The following ZFHX3 variants were observed in gnomAD, a reference collection of about 807,000 sequenced individuals.
ZFHX3 encodes zinc finger homeobox protein 3.
A neutral mutation model predicts 279.1 loss-of-function variants in ZFHX3; 42 were observed. The observed-to-expected ratio is 0.15, with a 90% confidence interval of 0.12 to 0.19. The LOEUF (loss-of-function observed/expected upper bound fraction) is 0.19. Among genes scored for constraint, ZFHX3 ranks in the 10% least tolerant of loss-of-function variants. The pLI is 1.00. For synonymous variants in ZFHX3, 2,293 were observed against 1,957.8 expected (o/e 1.17, Z -4.52); for missense variants, 4,981 against 4,754.0 (o/e 1.05, Z -1.40).
intron 4 of ZFHX3, among the ~76,000 whole-genome samples, chr16:73,272,749 T>A (rs34052780): frequency 0.43 from 64,876 of 151,966 alleles, 14,973 homozygotes; most frequent in East Asian, 0.65. Context: ...GTATCTTTAA[T>A]GCAATGTTGT....
At chr16:73,107,986 C>A (rs1238574489) in intron 7 of ZFHX3, among the ~76,000 whole-genome samples, 2 of 152,064 alleles carry the variant, frequency 1.3e-5, no homozygotes, top group East Asian at 3.9e-4. Flanking sequence ...ACAGTGAAAC[C>A]CAGTCTCTAC....
chr16:73,156,963 C>T (rs1482472376), intron 5 of ZFHX3, among the ~76,000 whole-genome samples: 4 of 152,188 alleles, frequency 2.6e-5, no homozygotes, highest in Non-Finnish European at 4.4e-5. Flanking sequence ...CTGCCCACCT[C>T]GGCCTCCCAA....
chr16:73,561,941 A>G (rs2020375537), intron 2 of ZFHX3, among the ~76,000 whole-genome samples: 2 of 152,208 alleles, frequency 1.3e-5, no homozygotes, highest in African/African-American at 4.8e-5. Flanking sequence ...GAAAAACCTG[A>G]ATGCACCTAG....
chr16:73,056,896 T>A (rs551054570), intron 1 of ZFHX3, among the ~76,000 whole-genome samples: 4 of 152,336 alleles, frequency 2.6e-5, no homozygotes, highest in Non-Finnish European at 4.4e-5. Context: ...AGTAATTTTT[T>A]AAAAAACATA....
intron 5 of ZFHX3, among the ~76,000 whole-genome samples, chr16:72,813,885 T>G (rs139609087): frequency 2.0e-5 from 3 of 152,212 alleles, no homozygotes; most frequent in Non-Finnish European, 4.4e-5. Context: ...CGTTGCAGGT[T>G]TGAGACCTTG....
intron 9 of ZFHX3, among the ~76,000 whole-genome samples, chr16:72,792,428 G>A (rs2035741100): frequency 6.6e-6 from 1 of 152,026 alleles, no homozygotes; most frequent in Non-Finnish European, 1.5e-5. Context: ...CCAACATTAA[G>A]GATCTACCAC....
intron 3 of ZFHX3, among the ~76,000 whole-genome samples, chr16:72,946,505 A>C (rs1960684459): frequency 6.6e-6 from 1 of 152,220 alleles, no homozygotes; most frequent in Admixed American, 6.5e-5. Flanking sequence ...GAAAAACATC[A>C]AAGTGAAAAA....
At chr16:73,251,611 G>C (rs1010941643) in intron 5 of ZFHX3, among the ~76,000 whole-genome samples, 1 of 152,038 alleles carries the variant, frequency 6.6e-6, no homozygotes, top group African/African-American at 2.4e-5. Context: ...CTTTCTGGAA[G>C]GCTGGATATT....
At chr16:73,615,818 T>G (rs892966061) in intron 2 of ZFHX3, among the ~76,000 whole-genome samples, 1 of 152,128 alleles carries the variant, frequency 6.6e-6, no homozygotes, top group African/African-American at 2.4e-5. Flanking sequence ...TAGATACAAA[T>G]AAAAGACACA....
intron 3 of ZFHX3, among the ~76,000 whole-genome samples, chr16:73,409,368 G>A (rs1053621692): frequency 6.6e-6 from 1 of 152,148 alleles, no homozygotes; most frequent in Non-Finnish European, 1.5e-5. Context: ...TGGATACATG[G>A]TAAGAAATCT....
intron 2 of ZFHX3, among the ~76,000 whole-genome samples, chr16:73,467,345 G>C (rs1343293923): frequency 6.6e-6 from 1 of 152,216 alleles, no homozygotes; most frequent in Non-Finnish European, 1.5e-5. Flanking sequence ...GAATAGACAA[G>C]AGAAGCCCTA....
Position 72,959,817 on chromosome 16 carries a change from T to A in ZFHX3, c.329A>T (p.Glu110Val). ...CTCACCGGTGTCGCTGGCGCTCTCC[T>A]CTCTCAGGGGTGGCGGGGGGCGCGC... Reference protein sequence around the residue: ...PSARPPPPLREESASDTGEEG... With the variant: ...PSARPPPPLRVESASDTGEEG... The change falls in exon 2 of 10, where the codon GAG becomes GTG. Residue 110 changes from glutamate (E) to valine (V), a missense_variant. Glu to Val is a moderately radical substitution (Grantham distance 121). Around this residue, in one of 7 missense-constraint regions of ZFHX3, gnomAD observed 1,068 missense variants for 935.2 expected, o/e 1.14. Transcript: ENST00000268489. 1 of 1,594,744 alleles carries A rather than the reference T, an allele frequency of 6.3e-7. No individual in the cohort carries two copies. The highest frequency in any genetic ancestry group is 1.1e-5 in the South Asian group (1 of 88,328).
chr16:73,751,170 AG>A (rs2053758858), intron 1 of ZFHX3, among the ~76,000 whole-genome samples: 1 of 152,242 alleles, frequency 6.6e-6, no homozygotes, highest in Non-Finnish European at 1.5e-5. Flanking sequence ...ACCTCTGGGA[AG>A]AACCCAGGAC....
chr16:73,830,026 A>G (rs1223250980), intron 1 of ZFHX3, among the ~76,000 whole-genome samples: 1 of 112,634 alleles, frequency 8.9e-6, no homozygotes, highest in Non-Finnish European at 1.8e-5. Flanking sequence ...TTGCAGTTTG[A>G]TCTCAGACTG....
At chr16:73,522,271 C>T (rs1383296173) in intron 2 of ZFHX3, among the ~76,000 whole-genome samples, 1 of 152,136 alleles carries the variant, frequency 6.6e-6, no homozygotes, top group African/African-American at 2.4e-5. Context: ...AAAGCAAAGA[C>T]ATAAAACAGA....
intron 1 of ZFHX3, among the ~76,000 whole-genome samples, chr16:73,852,285 C>T (rs1006861721): frequency 5.9e-5 from 9 of 152,208 alleles, no homozygotes; most frequent in Non-Finnish European, 1.3e-4. Context: ...CATCAGTCCT[C>T]ATTTGCAGAT....
chr16:73,127,926 G>C (rs1464409616), intron 7 of ZFHX3, among the ~76,000 whole-genome samples: 1 of 152,188 alleles, frequency 6.6e-6, no homozygotes, highest in Non-Finnish European at 1.5e-5. Flanking sequence ...AGTGATGCAT[G>C]TCCCTGCTGG....
At chr16:73,586,834 T>G (rs933428848) in intron 2 of ZFHX3, among the ~76,000 whole-genome samples, 4 of 152,224 alleles carry the variant, frequency 2.6e-5, no homozygotes, top group African/African-American at 9.6e-5. Flanking sequence ...TTAAAAATTG[T>G]CTGAGGTTAG....
rs746367905 is a variant in ZFHX3 at position 72,794,049 on chromosome 16, G to A, written c.8633C>T (p.Ala2878Val). The stretch of plus-strand genomic sequence containing the variant: ...ATACTCAGACATTGCCATCATGGCC[G>A]CTTTGGTCAACCCTTCGTTGGGTGC... The part of the protein sequence containing the change: ...SSAPNEGLTK[A>V]AMMAMSEYED... The change falls in exon 9 of 10, where the codon GCG becomes GTG. Residue 2878 changes from alanine (A) to valine (V), a missense_variant. Physicochemically the swap from Ala to Val is moderately conservative, Grantham distance 64 (BLOSUM62 0). Coordinates refer to ENST00000268489, the MANE Select transcript of ZFHX3 (RefSeq NM_006885.4). The surrounding 1 kb of genome is among the most constrained non-coding windows in gnomAD (Gnocchi z 4.2). 7 of 1,614,200 alleles carry A rather than the reference G, an allele frequency of 4.3e-6. No homozygotes were observed. The highest frequency in any genetic ancestry group is 1.7e-5 in the Admixed American group (1 of 60,032).
Sources: gnomAD v4.1 joint callset for allele counts (sites outside exome capture counted in the v4.1 genomes callset) on GRCh38, gnomAD v4.1.1 for gene constraint, gnomAD v4.1.1 regional missense constraint, Gnocchi (gnomAD v3.1) non-coding constraint, MANE v1.5 for transcripts, NCBI Gene and HGNC (gene_info 2026-07-23, HGNC 2026-07-21) for gene names.